The following CDKAL1 variants were observed in gnomAD, a reference collection of about 807,000 sequenced individuals.
CDKAL1 encodes threonylcarbamoyladenosine tRNA methylthiotransferase.
Under a neutral mutation model 68.2 loss-of-function variants are expected in CDKAL1, and 32 were observed. That is an observed-to-expected ratio of 0.47 (90% CI 0.35 to 0.63). CDKAL1 has a LOEUF of 0.63. Among genes scored for constraint, CDKAL1 ranks in the 30% least tolerant of loss-of-function variants. The probability of loss-of-function intolerance (pLI) is 0.00; values close to 1 mark genes in which losing one functional copy is unlikely to be tolerated. For missense variants in CDKAL1, 606 were observed against 696.7 expected (o/e 0.87, Z 1.47); for synonymous variants, 234 against 244.3 (o/e 0.96, Z 0.39).
At chr6:21,221,792 A>G (rs556457210) in intron 15 of CDKAL1, among the ~76,000 whole-genome samples, 1 of 152,286 alleles carries the variant, frequency 6.6e-6, no homozygotes, top group South Asian at 2.1e-4. Flanking sequence ...CACATGAGAA[A>G]TGTTTTGAAG....
intron 13 of CDKAL1, among the ~76,000 whole-genome samples, chr6:21,120,492 C>T (rs62404499): frequency 0.12 from 18,132 of 152,208 alleles, 1,208 homozygotes; most frequent in Middle Eastern, 0.16. Flanking sequence ...TTAAGTAATA[C>T]ATGCACTTAA....
intron 4 of CDKAL1, among the ~76,000 whole-genome samples, chr6:20,614,460 A>T (rs557666695): frequency 6.6e-6 from 1 of 152,238 alleles, no homozygotes; most frequent in Admixed American, 6.5e-5. Context: ...ACCATTTATT[A>T]ATTTATCTTT....
At chr6:20,869,826 A>G (rs978320825) in intron 9 of CDKAL1, among the ~76,000 whole-genome samples, 1 of 152,182 alleles carries the variant, frequency 6.6e-6, no homozygotes, top group Non-Finnish European at 1.5e-5. Flanking sequence ...TATAACACAA[A>G]TAGTCACAAT....
intron 4 of CDKAL1, among the ~76,000 whole-genome samples, chr6:20,638,786 A>G (rs1283107497): frequency 1.3e-5 from 2 of 148,402 alleles, no homozygotes; most frequent in African/African-American, 5.0e-5. Flanking sequence ...AACACGCGCC[A>G]CCATGCCCAG....
At chr6:21,035,724 TA>T (rs1303894418) in intron 11 of CDKAL1, among the ~76,000 whole-genome samples, 1 of 152,166 alleles carries the variant, frequency 6.6e-6, no homozygotes, top group Non-Finnish European at 1.5e-5. Context: ...CAGTTGTCTA[TA>T]TTGATTTGTC....
chr6:21,084,891 C>T (rs1772610799), intron 12 of CDKAL1, among the ~76,000 whole-genome samples: 2 of 152,150 alleles, frequency 1.3e-5, no homozygotes, highest in Admixed American at 1.3e-4. Flanking sequence ...CCCGGGAGCC[C>T]CACAATCCCC....
Position 20,992,260 on chromosome 6 carries a change from G to A in CDKAL1, c.910-7967G>A, listed in dbSNP as rs150868286. 4.0e-4 allele frequency among the ~76,000 whole-genome samples: 61 copies of A among 150,726 alleles called. 1 individual carries two copies. The East Asian group carries it at 0.012, about 29-fold the overall frequency. ...AGTATTTTGTATTATTAGTAGAGAT[G>A]GGGTTTCACCATTTTGGCCAGGCTG... On this transcript the variant is annotated intron_variant, in intron 10 of 15. Transcript: ENST00000274695.
intron 9 of CDKAL1, among the ~76,000 whole-genome samples, chr6:20,952,002 A>G (rs9348451): frequency 0.32 from 43,220 of 135,360 alleles, 7,539 homozygotes; most frequent in East Asian, 0.46. Flanking sequence ...TCTGTCGCCC[A>G]GGCTGGAGTG....
intron 11 of CDKAL1, among the ~76,000 whole-genome samples, chr6:21,048,581 T>C (rs1469962208): frequency 6.6e-6 from 1 of 152,214 alleles, no homozygotes; most frequent in Non-Finnish European, 1.5e-5. Flanking sequence ...AATTGCACTT[T>C]AGGATGACAT....
chr6:21,012,004 G>A (rs1768050997), intron 11 of CDKAL1, among the ~76,000 whole-genome samples: 1 of 152,194 alleles, frequency 6.6e-6, no homozygotes, highest in Non-Finnish European at 1.5e-5. Context: ...GTGGAACTCT[G>A]TAAGGCTCCA....
In CDKAL1 at chr6:21,173,315, T is replaced by C. The variant is rs1398487904; in HGVS notation, c.1300-24706T>C. Among the ~76,000 whole-genome samples, 5 of 152,360 alleles carry C rather than the reference T, an allele frequency of 3.3e-5. No individual in the cohort carries two copies. In the East Asian group the frequency reaches 9.6e-4, roughly 29 times the overall value. On this transcript the variant is annotated intron_variant, in intron 13 of 15. Transcript: ENST00000274695. ...TTGAATGTGGTGTTTGTTTGTTTTT[T>C]AATTCTTCCATGCGTAATGGTCTGA...
intron 13 of CDKAL1, among the ~76,000 whole-genome samples, chr6:21,144,240 A>C (rs181867054): frequency 6.6e-6 from 1 of 152,332 alleles, no homozygotes; most frequent in Non-Finnish European, 1.5e-5. Flanking sequence ...GATCTGTGAA[A>C]GTGGCATAAA....
chr6:20,795,817 G>A (rs896406004), intron 8 of CDKAL1, among the ~76,000 whole-genome samples: 1 of 152,144 alleles, frequency 6.6e-6, no homozygotes, highest in East Asian at 1.9e-4. Flanking sequence ...TGTCAAACTG[G>A]CCAGTGCTTG....
chr6:20,556,231 A>G (rs915109222), intron 4 of CDKAL1, among the ~76,000 whole-genome samples: 1 of 151,974 alleles, frequency 6.6e-6, no homozygotes, highest in Non-Finnish European at 1.5e-5. Context: ...CTGGTATGAT[A>G]GTGCATGCCT....
rs79730491 is a variant in CDKAL1, at chr6:20,589,826, A to G, written c.286+41121A>G. Reference sequence around the variant, plus strand: ...TATGTTTAAAGTTTCACAGAGTTATACACTGACTTTAAAATTGCATTGCTT... The same window carrying G: ...TATGTTTAAAGTTTCACAGAGTTATGCACTGACTTTAAAATTGCATTGCTT... On this transcript the variant is annotated intron_variant, in intron 4 of 15. Transcript: ENST00000274695. Among the ~76,000 whole-genome samples the G allele has an allele frequency of 9.7e-4, 148 of 152,322 alleles. 2 individuals carry two copies. In the East Asian group the frequency reaches 0.016, roughly 16 times the overall value.
chr6:21,228,117 G>A (rs1001841111), intron 15 of CDKAL1, among the ~76,000 whole-genome samples: 3 of 152,166 alleles, frequency 2.0e-5, no homozygotes, highest in Non-Finnish European at 2.9e-5. Context: ...AGGGAAAAGG[G>A]TGGATTTTCC....
chr6:20,599,670 G>A (rs1765997828), intron 4 of CDKAL1, among the ~76,000 whole-genome samples: 1 of 152,194 alleles, frequency 6.6e-6, no homozygotes, highest in Admixed American at 6.5e-5. Context: ...GTGGTAGGCA[G>A]TGTTCTCAGG....
At chr6:20,935,679 C>T (rs200950652) in intron 9 of CDKAL1, among the ~76,000 whole-genome samples, 1 of 152,208 alleles carries the variant, frequency 6.6e-6, no homozygotes, top group African/African-American at 2.4e-5. Context: ...ATCCACCTGC[C>T]TCGGCCTCCC....
At chr6:20,984,481 G>A (rs529099621) in intron 10 of CDKAL1, among the ~76,000 whole-genome samples, 1 of 152,308 alleles carries the variant, frequency 6.6e-6, no homozygotes, top group African/African-American at 2.4e-5. Context: ...GCCATTCGTG[G>A]ACGGCTTAAG....
Sources: gnomAD v4.1 joint callset for allele counts (sites outside exome capture counted in the v4.1 genomes callset) on GRCh38, gnomAD v4.1.1 for gene constraint, MANE v1.5 for transcripts, NCBI Gene and HGNC (gene_info 2026-07-23, HGNC 2026-07-21) for gene names.